MMACHC: variants seen among roughly 807,000 people sequenced by gnomAD.
MMACHC encodes metabolism of cobalamin associated C.
In MMACHC, 14 loss-of-function variants were observed where a neutral mutation model predicts 17.6. The observed-to-expected ratio is 0.80, with a 90% CI of 0.53 to 1.25. The LOEUF (loss-of-function observed/expected upper bound fraction) is 1.25. Among genes scored for constraint, MMACHC ranks in the 50% most tolerant of loss-of-function variants. MMACHC has a pLI of 0.00. For missense variants in MMACHC, 392 were observed against 364.5 expected (o/e 1.08, Z -0.62); for synonymous variants, 151 against 142.1 (o/e 1.06, Z -0.45).
At chr1:45,501,487 G>T (rs2149321479) in intron 1 of MMACHC, among the ~76,000 whole-genome samples, 1 of 152,254 alleles carries the variant, frequency 6.6e-6, no homozygotes, top group South Asian at 2.1e-4. Flanking sequence ...AAATGGAATT[G>T]AGCTATATAT....
rs192924272 is a variant in MMACHC at position 45,508,997 on chromosome 1, C to A, written c.631C>A (p.Pro211Thr). ...RDWTYRDAVTPQERYSEEQKA... is the reference protein window; with the variant it reads ...RDWTYRDAVTTQERYSEEQKA... The stretch of plus-strand genomic sequence containing the variant: ...TTGGACTTACCGGGATGCTGTGACA[C>A]CCCAGGAGCGCTACTCAGAAGAGCA... The change falls in exon 4 of 4, where the codon CCC becomes ACC. Residue 211 changes from proline to threonine, a missense_variant. By Grantham distance (38) the Pro-to-Thr change is conservative. Coordinates refer to ENST00000401061, the MANE Select transcript of MMACHC (RefSeq NM_015506.3). 7.3e-5 allele frequency: 118 copies of A among 1,614,156 alleles called. 3 individuals carry two copies. The African/African-American group carries it at 1.3e-3, about 17-fold the overall frequency.
In MMACHC at chr1:45,508,324, A is replaced by G. The variant is rs200094982; in HGVS notation, c.389A>G (p.Tyr130Cys). Reference protein sequence around the residue: ...AAHVAGAAYYYQRQDVEADPW... With the variant: ...AAHVAGAAYYCQRQDVEADPW... ...CATGTAGCTGGGGCTGCTTACTACT[A>G]CCAACGACAAGATGTGGAGGCTGAC... Residue 130 changes from tyrosine to cysteine, a missense_variant, in exon 3 of 4, where the codon TAC becomes TGC. Coordinates refer to ENST00000401061, the MANE Select transcript of MMACHC (RefSeq NM_015506.3). 2.9e-4 allele frequency: 461 copies of G among 1,614,012 alleles called. 1 individual carries two copies. The highest frequency in any genetic ancestry group is 3.7e-4 in the Non-Finnish European group (441 of 1,180,010).
rs759603051 is a variant in MMACHC at position 45,507,305 on chromosome 1, G to C, written c.82-51G>C. On this transcript the variant is annotated intron_variant, in intron 1 of 3. Transcript: ENST00000401061. The stretch of plus-strand genomic sequence containing the variant: ...GCCTGAAGGTTAAGGTGTGGGCCAG[G>C]CTGAGGCCTAGACTGGCCCTCTCCA... 6 of 1,579,112 alleles carry C rather than the reference G, an allele frequency of 3.8e-6. No individual in the cohort carries two copies. In the Admixed American group the frequency reaches 8.5e-5, roughly 22 times the overall value.
Position 45,508,366 on chromosome 1 carries a change from T to C in MMACHC, c.429+2T>C. 2 of 1,613,942 alleles carry C rather than the reference T, an allele frequency of 1.2e-6. No individual in the cohort carries two copies. The highest frequency in any genetic ancestry group is 1.7e-6 in the Non-Finnish European group (2 of 1,179,972). The stretch of plus-strand genomic sequence containing the variant: ...GAGGCTGACCCATGGGGGAACCAGG[T>C]GAGAGGGAAAATGTAAATAGAGGCT... On this transcript the variant is annotated splice_donor_variant, in intron 3 of 3. Coordinates refer to ENST00000401061, the MANE Select transcript of MMACHC (RefSeq NM_015506.3). LOFTEE classifies it high-confidence loss of function.
chr1:45,509,227 G>T lies in MMACHC; in HGVS notation c.*12G>T, dbSNP rs371647512. The T allele has an allele frequency of 6.2e-7, 1 of 1,613,834 alleles. No individual in the cohort carries two copies. Among genetic ancestry groups the T allele is most frequent in the African/African-American group, 1.3e-5 (1 of 74,864 alleles). ...CCCCTGGCCCTTGATTTTCTCCCAT[G>T]TGGACCCTGATTTATGGTGGTACTT... is the stretch of plus-strand genomic sequence containing the variant. On this transcript the variant is annotated 3_prime_UTR_variant, in exon 4 of 4. Coordinates refer to ENST00000401061, the MANE Select transcript of MMACHC (RefSeq NM_015506.3).
chr1:45,508,361 C>G lies in MMACHC; in HGVS notation c.426C>G (p.Asn142Lys). 6.2e-7 allele frequency: 1 copy of G among 1,614,116 alleles called. No individual in the cohort carries two copies. Among genetic ancestry groups the G allele is most frequent in the South Asian group, 1.1e-5 (1 of 91,074 alleles). Residue 142 changes from asparagine (N) to lysine (K), a missense_variant, in exon 3 of 4, where the codon AAC (asparagine) becomes AAG (lysine). Asn to Lys is a moderately conservative substitution (Grantham distance 94). Transcript: ENST00000401061. ...RQDVEADPWG[N>K]QRISGVCIHP... Reference sequence around the variant, plus strand: ...ATGTGGAGGCTGACCCATGGGGGAACCAGGTGAGAGGGAAAATGTAAATAG... The same window carrying G: ...ATGTGGAGGCTGACCCATGGGGGAAGCAGGTGAGAGGGAAAATGTAAATAG...
chr1:45,500,944 C>T (rs976352457), intron 1 of MMACHC, among the ~76,000 whole-genome samples: 6 of 150,666 alleles, frequency 4.0e-5, no homozygotes, highest in African/African-American at 1.5e-4. Flanking sequence ...TAACGGGAGA[C>T]ACCATATGAC....
chr1:45,507,617 T>C, intron 2 of MMACHC, 67 bp downstream of exon 2: 1 of 1,558,722 alleles, frequency 6.4e-7, no homozygotes, highest in Non-Finnish European at 8.8e-7. Flanking sequence ...CCACACTCAA[T>C]GCAGGATCTA....
chr1:45,506,521 CTG>C (rs1643622332), intron 1 of MMACHC, among the ~76,000 whole-genome samples: 1 of 152,000 alleles, frequency 6.6e-6, no homozygotes, highest in Non-Finnish European at 1.5e-5. Context: ...GGGTCTCACT[CTG>C]TTGCCCAGGC....
chr1:45,509,718 C>G lies in MMACHC; in HGVS notation c.*503C>G, dbSNP rs1643703325. 1 of 157,502 alleles carries G rather than the reference C, an allele frequency of 6.3e-6. No homozygotes were observed. The highest frequency in any genetic ancestry group is 1.9e-4 in the South Asian group (1 of 5,186). The allele number at this position is 157,502 out of a possible 1,614,324, so 9.8% of individuals were successfully genotyped here. On this transcript the variant is annotated 3_prime_UTR_variant, in exon 4 of 4. Coordinates refer to ENST00000401061, the MANE Select transcript of MMACHC (RefSeq NM_015506.3). ...TGAGCCACCGCACCCAGCCAAGACT[C>G]TATCTGTTCCCATTTCTAAGCAGTT...
At chr1:45,506,785 C>G (rs997758882) in intron 1 of MMACHC, among the ~76,000 whole-genome samples, 1 of 151,918 alleles carries the variant, frequency 6.6e-6, no homozygotes, top group African/African-American at 2.4e-5. Flanking sequence ...CCACACCTGG[C>G]GGGGTTTTTC....
chr1:45,505,263 A>G (rs1350032372), intron 1 of MMACHC, among the ~76,000 whole-genome samples: 3 of 151,868 alleles, frequency 2.0e-5, no homozygotes, highest in Non-Finnish European at 4.4e-5. Context: ...CCTGGCCAAC[A>G]TGGTGAAACT....
chr1:45,508,913 GT>G lies in MMACHC; in HGVS notation c.548del (p.Val183AspfsTer27). 6.2e-7 allele frequency: 1 copy of G among 1,614,192 alleles called. No individual in the cohort carries two copies. Among genetic ancestry groups the G allele is most frequent in the Non-Finnish European group, 8.5e-7 (1 of 1,180,044 alleles). ...DLPPRKPHDC[V>X]PTRADRIALL... The stretch of plus-strand genomic sequence containing the variant: ...GCCACCCAGAAAACCTCATGACTGT[GT>G]ACCTACAAGAGCTGACCGTATCGCC... On this transcript the variant is annotated frameshift_variant, in exon 4 of 4. Transcript: ENST00000401061. LOFTEE classifies it low-confidence loss of function (END_TRUNC).
rs1203486492 is a variant in MMACHC at position 45,509,422 on chromosome 1, T to TTTTTTG, written c.*212_*213insGTTTTT. 8 of 565,356 alleles carry TTTTTTG rather than the reference T, an allele frequency of 1.4e-5. No homozygotes were observed. Among genetic ancestry groups the TTTTTTG allele is most frequent in the Non-Finnish European group, 2.1e-5 (7 of 331,370 alleles). The allele number at this position is 565,356 out of a possible 1,614,324, so 35.0% of individuals were successfully genotyped here. A position where few individuals can be genotyped will look rare whatever the true frequency, so the allele number is the denominator to read the frequency against. On this transcript the variant is annotated 3_prime_UTR_variant, in exon 4 of 4. Transcript: ENST00000401061. Reference sequence around the variant, plus strand: ...CCCATCTGCCTTCAAATGAGTTTTTTTTTTTTTTTTAGACAGAGTCTTACT... The same window carrying TTTTTTG: ...CCCATCTGCCTTCAAATGAGTTTTTTTTTTTGTTTTTTTTTTAGACAGAGTCTTACT...
intron 2 of MMACHC, 145 bp from the exon 3 acceptor site, chr1:45,508,067 C>A: frequency 1.0e-6 from 1 of 981,048 alleles, no homozygotes; most frequent in Non-Finnish European, 1.6e-6. Context: ...ACTATGTCCA[C>A]ACTGGAGCCT....
At position 45,508,954 on chromosome 1, in the gene MMACHC, C is replaced by A. The variant is rs1643681706; in HGVS notation, c.588C>A (p.Phe196Leu). The change falls in exon 4 of 4, where the codon TTC (phenylalanine) becomes TTA (leucine). Residue 196 changes from phenylalanine to leucine, a missense_variant. Coordinates refer to ENST00000401061, the MANE Select transcript of MMACHC (RefSeq NM_015506.3). ...RADRIALLEGFNFHWRDWTYR... is the reference protein window; with the variant it reads ...RADRIALLEGLNFHWRDWTYR... Reference sequence around the variant, plus strand: ...ACCGTATCGCCCTACTCGAAGGCTTCAATTTCCACTGGCGTGATTGGACTT... The same window carrying A: ...ACCGTATCGCCCTACTCGAAGGCTTAAATTTCCACTGGCGTGATTGGACTT... 1 of 1,614,052 alleles carries A rather than the reference C, an allele frequency of 6.2e-7. No homozygotes were observed. The highest frequency in any genetic ancestry group is 1.3e-5 in the African/African-American group (1 of 74,914).
rs3737192 is a variant in MMACHC at position 45,511,192 on chromosome 1, G to A, written c.*1977G>A. The A allele has an allele frequency of 2.8e-3, 2,070 of 742,074 alleles. 62 individuals carry two copies. In the East Asian group the frequency reaches 0.05, roughly 18 times the overall value. The allele number at this position is 742,074 out of a possible 1,614,324, so 46.0% of individuals were successfully genotyped here. ...AAGGCTGGTCTCTCCACCCCCTGTA[G>A]GAAAGGCCTGCCTTGTAAGACACCA... On this transcript the variant is annotated 3_prime_UTR_variant, in exon 4 of 4. Coordinates refer to ENST00000401061, the MANE Select transcript of MMACHC (RefSeq NM_015506.3).
chr1:45,507,284 G>A (rs1434210215), intron 1 of MMACHC, 72 bp from the exon 2 acceptor site: 1 of 1,462,226 alleles, frequency 6.8e-7, no homozygotes, highest in Admixed American at 1.8e-5. Context: ...TGTGAGGCCT[G>A]AAGGTTAAGG....
chr1:45,504,000 G>A (rs146601048), intron 1 of MMACHC, among the ~76,000 whole-genome samples: 1 of 152,312 alleles, frequency 6.6e-6, no homozygotes, highest in African/African-American at 2.4e-5. Flanking sequence ...TGTTACAGGT[G>A]AATCCAATTT....
Sources: gnomAD v4.1 joint callset for allele counts (sites outside exome capture counted in the v4.1 genomes callset) on GRCh38, gnomAD v4.1.1 for gene constraint, MANE v1.5 for transcripts, NCBI Gene and HGNC (gene_info 2026-07-23, HGNC 2026-07-21) for gene names.